Variants in KIF2A observed in about 807,000 individuals in gnomAD.
The protein encoded by KIF2A is kinesin family member 2A, also known as kinesin-like protein KIF2A.
A neutral mutation model predicts 100.2 loss-of-function variants in KIF2A; 22 were observed. That is an observed-to-expected ratio of 0.22 (90% CI 0.16 to 0.31). KIF2A has a LOEUF of 0.31. Among genes scored for constraint, KIF2A ranks in the 10% least tolerant of loss-of-function variants. KIF2A has a pLI of 1.00. For missense variants in KIF2A, 495 were observed against 898.7 expected (o/e 0.55, Z 5.74); for synonymous variants, 268 against 285.9 (o/e 0.94, Z 0.63).
At position 62,306,382 on chromosome 5, in the gene KIF2A, T is replaced by TCCCCC; in HGVS notation, c.-90_-86dup. On this transcript the variant is annotated 5_prime_UTR_variant, in exon 1 of 21. Transcript: ENST00000407818. ...GGCCGGCGCGGCCGCGGGCAACCGC[T>TCCCCC]CCCCCTCCCACACCTACCCCGCCCC... 1 of 942,898 alleles carries TCCCCC rather than the reference T, an allele frequency of 1.1e-6. No individual in the cohort carries two copies. The highest frequency in any genetic ancestry group is 1.7e-5 in the African/African-American group (1 of 57,464). 58.4% of individuals were successfully genotyped at this position (942,898 alleles called of 1,614,324 possible).
At chr5:62,328,208 A>G (rs1284504654) in intron 1 of KIF2A, among the ~76,000 whole-genome samples, 3 of 152,236 alleles carry the variant, frequency 2.0e-5, no homozygotes, top group African/African-American at 2.4e-5. Flanking sequence ...TCTGTTATCC[A>G]AAGGAATGTA....
chr5:62,335,914 G>A (rs1336443722), intron 1 of KIF2A, among the ~76,000 whole-genome samples: 2 of 152,102 alleles, frequency 1.3e-5, no homozygotes, highest in Non-Finnish European at 2.9e-5. Context: ...GAAACTATAA[G>A]TTATCTTTTA....
At chr5:62,366,260 T>A (rs1252833674) in intron 15 of KIF2A, among the ~76,000 whole-genome samples, 154 bp from the exon 16 acceptor site, 1 of 152,212 alleles carries the variant, frequency 6.6e-6, no homozygotes. Flanking sequence ...ATTATAGATA[T>A]GATAACAAAT....
rs1745250920 is a variant in KIF2A, at chr5:62,306,209, C to CT, written c.-263dup. 1 of 426,646 alleles carries CT rather than the reference C, an allele frequency of 2.3e-6. No individual in the cohort carries two copies. Among genetic ancestry groups the CT allele is most frequent in the Non-Finnish European group, 4.2e-6 (1 of 240,510 alleles). 26.4% of individuals were successfully genotyped at this position (426,646 alleles called of 1,614,324 possible). ...GGCGGGCGGTGCGGGCCCTCCCACT[C>CT]TACCCCGCGCCGTCTCACGGCCCCG... On this transcript the variant is annotated 5_prime_UTR_variant, in exon 1 of 21. Transcript: ENST00000407818.
At chr5:62,373,562 C>A in intron 17 of KIF2A, 125 bp from the exon 18 acceptor site, 2 of 655,850 alleles carry the variant, frequency 3.0e-6, no homozygotes, top group Non-Finnish European at 5.2e-6. Flanking sequence ...ATAAATTTTA[C>A]CTATAAAGGT....
Position 62,385,825 on chromosome 5 carries a change from T to A in KIF2A, c.*256T>A, listed in dbSNP as rs562309591. The A allele has an allele frequency of 2.3e-6, 1 of 440,086 alleles. No homozygotes were observed. Among genetic ancestry groups the A allele is most frequent in the Admixed American group, 3.7e-5 (1 of 27,370 alleles). 27.3% of individuals were successfully genotyped at this position (440,086 alleles called of 1,614,324 possible). ...ACAAATAGTGATTTACTTTTGGAGA[T>A]CCTTGTCAGTTTTATTTTCTATTTG... is the stretch of plus-strand genomic sequence containing the variant. On this transcript the variant is annotated 3_prime_UTR_variant, in exon 21 of 21. Coordinates refer to ENST00000407818, the MANE Select transcript of KIF2A (RefSeq NM_001098511.3).
chr5:62,352,528 T>G lies in KIF2A; in HGVS notation c.335-60T>G, dbSNP rs1580062570. On this transcript the variant is annotated intron_variant, in intron 4 of 20. Coordinates refer to ENST00000407818, the MANE Select transcript of KIF2A (RefSeq NM_001098511.3). ...TTTGGGGGCTATCTCTTCCTTTTAC[T>G]AAGGTTAGCTTTTACTAATTTTCTA... 2.2e-6 allele frequency: 3 copies of G among 1,339,620 alleles called. No homozygotes were observed. The East Asian group carries it at 7.9e-5, about 35-fold the overall frequency. The allele number at this position is 1,339,620 out of a possible 1,614,324, so 83.0% of individuals were successfully genotyped here. A position where few individuals can be genotyped will look rare whatever the true frequency, so the allele number is the denominator to read the frequency against.
chr5:62,371,472 T>C (rs1356103455), intron 16 of KIF2A, among the ~76,000 whole-genome samples: 1 of 152,210 alleles, frequency 6.6e-6, no homozygotes, highest in East Asian at 1.9e-4. Flanking sequence ...TAGTTCAACC[T>C]AAGAGAAATG....
chr5:62,318,738 A>G (rs1267616329), intron 1 of KIF2A, among the ~76,000 whole-genome samples: 6 of 152,066 alleles, frequency 3.9e-5, no homozygotes, highest in African/African-American at 1.5e-4. Context: ...CCCCTGCAGT[A>G]CTTCTCACAT....
rs186592128 is a variant in KIF2A, at chr5:62,309,034, G to C, written c.64+2498G>C. Among the ~76,000 whole-genome samples the C allele has an allele frequency of 1.9e-3, 294 of 152,230 alleles. 2 individuals carry two copies. The highest frequency in any genetic ancestry group is 5.2e-3 in the Admixed American group (79 of 15,294). ...AATTTATTTTTTAAAAAATTAGGGT[G>C]CAATAAAATGTGTAAATTCTTTACA... On this transcript the variant is annotated intron_variant, in intron 1 of 20. Transcript: ENST00000407818.
chr5:62,373,583 A>G (rs934108573), intron 17 of KIF2A, 104 bp from the exon 18 acceptor site: 11 of 785,098 alleles, frequency 1.4e-5, no homozygotes, highest in Non-Finnish European at 1.9e-5. Flanking sequence ...GACATCATCA[A>G]TCTTAGTATG....
intron 2 of KIF2A, among the ~76,000 whole-genome samples, chr5:62,347,739 C>T (rs1747646941): frequency 6.6e-6 from 1 of 152,018 alleles, no homozygotes; most frequent in Non-Finnish European, 1.5e-5. Flanking sequence ...GACCCTCCCA[C>T]CTGTCTCCAG....
intron 20 of KIF2A, among the ~76,000 whole-genome samples, chr5:62,383,949 AT>A (rs994301916): frequency 6.6e-6 from 1 of 152,084 alleles, no homozygotes; most frequent in African/African-American, 2.4e-5. Flanking sequence ...TAAATTTGGG[AT>A]TTATAAGAAA....
chr5:62,350,014 C>T (rs1221937144), intron 3 of KIF2A, 52 bp from the exon 4 acceptor site: 6 of 1,160,484 alleles, frequency 5.2e-6, no homozygotes, highest in Middle Eastern at 1.9e-4. Flanking sequence ...GATCATGATA[C>T]ATATGAGGGA....
chr5:62,350,240 A>C (rs1747781863), intron 4 of KIF2A, 120 bp downstream of exon 4: 1 of 622,218 alleles, frequency 1.6e-6, no homozygotes, highest in Admixed American at 3.5e-5. Flanking sequence ...TACCTGGCTA[A>C]TTTTAAGAGG....
intron 20 of KIF2A, among the ~76,000 whole-genome samples, chr5:62,384,278 G>C (rs918300240): frequency 5.3e-5 from 8 of 152,156 alleles, no homozygotes; most frequent in Non-Finnish European, 1.2e-4. Context: ...CAGTTTGAGA[G>C]CACCAAATCT....
chr5:62,373,842 GTGTACTATGGT>G lies in KIF2A; in HGVS notation c.1911+10_1911+20del. On this transcript the variant is annotated splice_donor_region_variant and intron_variant, in intron 18 of 20. Transcript: ENST00000407818. Reference sequence around the variant, plus strand: ...AAACTTCTTTGTGAACAAAATGTGAGTGTACTATGGTTGTAAATGTTATAATCTTAGTTCAT... The same window carrying G: ...AAACTTCTTTGTGAACAAAATGTGAGTGTAAATGTTATAATCTTAGTTCAT... 3.1e-6 allele frequency: 5 copies of G among 1,596,398 alleles called. No individual in the cohort carries two copies. The highest frequency in any genetic ancestry group is 4.3e-6 in the Non-Finnish European group (5 of 1,165,020).
rs1000701185 is a variant in KIF2A, at chr5:62,327,379, C to T, written c.65-19751C>T. Reference sequence around the variant, plus strand: ...CATCTGTTTATGGGTTGTAGCCCTTCGGAGGGCCACAAACCATTGTAATAT... The same window carrying T: ...CATCTGTTTATGGGTTGTAGCCCTTTGGAGGGCCACAAACCATTGTAATAT... On this transcript the variant is annotated intron_variant, in intron 1 of 20. Coordinates refer to ENST00000407818, the MANE Select transcript of KIF2A (RefSeq NM_001098511.3). 1.1e-4 allele frequency among the ~76,000 whole-genome samples: 16 copies of T among 152,194 alleles called. 1 individual carries two copies. The highest frequency in any genetic ancestry group is 2.6e-4 in the Admixed American group (4 of 15,278).
In KIF2A at chr5:62,385,299, CA is replaced by C. The variant is rs1221876648; in HGVS notation, c.2150-179del. 5.9e-5 allele frequency among the ~76,000 whole-genome samples: 9 copies of C among 152,194 alleles called. No homozygotes were observed. In the East Asian group the frequency reaches 1.7e-3, roughly 29 times the overall value. ...AACAGGTATTTCTGGAAATCTGTAA[CA>C]AAAAACTTTCGCAATAGTTGAGCAT... On this transcript the variant is annotated intron_variant, in intron 20 of 20. Transcript: ENST00000407818.
Sources: allele counts gnomAD v4.1 joint callset (sites outside exome capture counted in the v4.1 genomes callset), GRCh38; gene constraint gnomAD v4.1.1; transcripts MANE v1.5; gene names NCBI Gene and HGNC (gene_info 2026-07-23, HGNC 2026-07-21).